EXTL3: variants seen among roughly 807,000 people sequenced by gnomAD.
EXTL3 encodes the protein exostosin-like 3.
Under a neutral mutation model 69.3 loss-of-function variants are expected in EXTL3, and 27 were observed. That is an observed-to-expected ratio of 0.39 (90% CI 0.29 to 0.54). EXTL3 has a LOEUF of 0.54. Ranked by LOEUF, EXTL3 falls within the 20% of genes least tolerant of loss-of-function variation. EXTL3 has a pLI of 0.69. For missense variants in EXTL3, 1,003 were observed against 1,231.8 expected (o/e 0.81, Z 2.78); for synonymous variants, 511 against 499.4 (o/e 1.02, Z -0.31).
chr8:28,607,916 T>C (rs535806478), intron 2 of EXTL3, among the ~76,000 whole-genome samples: 1 of 151,334 alleles, frequency 6.6e-6, no homozygotes, highest in East Asian at 1.9e-4. Flanking sequence ...ATCGAGACCA[T>C]CCTGGCTAAC....
intron 1 of EXTL3, among the ~76,000 whole-genome samples, chr8:28,658,652 C>T (rs1382932276): frequency 1.3e-5 from 2 of 152,150 alleles, no homozygotes; most frequent in Non-Finnish European, 2.9e-5. Context: ...ACAATCTCAG[C>T]TCACTGCAAC....
chr8:28,627,482 C>T (rs1806510404), intron 1 of EXTL3, among the ~76,000 whole-genome samples: 3 of 140,186 alleles, frequency 2.1e-5, no homozygotes. Context: ...GGGTGAGACC[C>T]TGTCTCAAAA....
rs1403396265 is a variant in EXTL3 at position 28,716,780 on chromosome 8, C to A, written c.721C>A (p.Leu241Ile). Reference protein sequence around the residue: ...NADIACLYVILVGEMQEPVVL... With the variant: ...NADIACLYVIIVGEMQEPVVL... ...AGACATCGCCTGCCTTTACGTGATA[C>A]TAGTGGGAGAGATGCAGGAGCCGGT... The change falls in exon 3 of 7, where the codon CTA becomes ATA. Residue 241 changes from leucine (L) to isoleucine (I), a missense_variant. Physicochemically the swap from Leu to Ile is conservative, Grantham distance 5 (BLOSUM62 2). Around this residue, in one of 2 missense-constraint regions of EXTL3, gnomAD observed 742 missense variants for 815.4 expected, o/e 0.91. Transcript: ENST00000220562. The surrounding 1 kb of genome is among the most constrained non-coding windows in gnomAD (Gnocchi z 7.1). The A allele has an allele frequency of 6.2e-7, 1 of 1,614,230 alleles. No homozygotes were observed. Among genetic ancestry groups the A allele is most frequent in the Admixed American group, 1.7e-5 (1 of 60,028 alleles).
intron 6 of EXTL3, among the ~76,000 whole-genome samples, chr8:28,749,647 ATTCATTCAT>A (rs1341140293): frequency 6.6e-6 from 1 of 151,980 alleles, no homozygotes; most frequent in African/African-American, 2.4e-5. Context: ...TCATTCATTC[ATTCATTCAT>A]TCATTCATTA....
At chr8:28,743,608 C>T (rs1307384519) in intron 6 of EXTL3, among the ~76,000 whole-genome samples, 1 of 152,158 alleles carries the variant, frequency 6.6e-6, no homozygotes, top group Non-Finnish European at 1.5e-5. Context: ...GCAATATCTG[C>T]AAAAAGTATT....
At chr8:28,632,650 T>C (rs990962450) in intron 1 of EXTL3, among the ~76,000 whole-genome samples, 7 of 149,990 alleles carry the variant, frequency 4.7e-5, no homozygotes, top group Admixed American at 2.0e-4. Context: ...GTCTCCTGGG[T>C]TGAAGCGATT....
intron 1 of EXTL3, among the ~76,000 whole-genome samples, chr8:28,687,543 A>G (rs1325115867): frequency 6.6e-6 from 1 of 152,244 alleles, no homozygotes; most frequent in Admixed American, 6.5e-5. Context: ...TTTAGTTAAT[A>G]GTCTCTATAA....
At chr8:28,682,949 T>A (rs1186940947) in intron 1 of EXTL3, among the ~76,000 whole-genome samples, 1 of 152,240 alleles carries the variant, frequency 6.6e-6, no homozygotes, top group Non-Finnish European at 1.5e-5. Context: ...TTGTGTGAGA[T>A]AAAGGTCTAA....
intron 6 of EXTL3, among the ~76,000 whole-genome samples, chr8:28,745,156 CTG>C (rs1801862734): frequency 6.6e-6 from 1 of 151,674 alleles, no homozygotes. Flanking sequence ...ATGGGCGTGT[CTG>C]TGAATAGCCA....
chr8:28,670,123 C>T (rs1444678039), intron 1 of EXTL3, among the ~76,000 whole-genome samples: 1 of 140,782 alleles, frequency 7.1e-6, no homozygotes, highest in Non-Finnish European at 1.5e-5. Flanking sequence ...GCAGAAGGAT[C>T]GCTTGAGCCA....
chr8:28,680,493 G>T (rs940867379), intron 1 of EXTL3, among the ~76,000 whole-genome samples: 7 of 151,888 alleles, frequency 4.6e-5, no homozygotes, highest in Admixed American at 3.9e-4. Flanking sequence ...TACAGGGTAT[G>T]ACATGATGTT....
chr8:28,669,888 G>A (rs1807257621), intron 1 of EXTL3, among the ~76,000 whole-genome samples: 1 of 152,034 alleles, frequency 6.6e-6, no homozygotes, highest in Admixed American at 6.6e-5. Context: ...CACCTGTACT[G>A]AGATGCCAGG....
chr8:28,642,242 G>A (rs545983298), intron 1 of EXTL3, among the ~76,000 whole-genome samples: 1 of 151,974 alleles, frequency 6.6e-6, no homozygotes, highest in Non-Finnish European at 1.5e-5. Flanking sequence ...CCAGGAGTTC[G>A]AGACCAGCCT....
rs574309274 is a variant in EXTL3, at chr8:28,681,983, C to T, written c.-52-31474C>T. The stretch of plus-strand genomic sequence containing the variant: ...CTGAGGCAGGAGAATCGCTTGAACC[C>T]GGGAGGTGGAGGTTGCGGTGAGCTG... On this transcript the variant is annotated intron_variant, in intron 1 of 6. Transcript: ENST00000523149. Among the ~76,000 whole-genome samples, 27 of 152,274 alleles carry T rather than the reference C, an allele frequency of 1.8e-4. No homozygotes were observed. The South Asian group carries it at 3.5e-3, about 20-fold the overall frequency.
intron 1 of EXTL3, among the ~76,000 whole-genome samples, chr8:28,694,905 G>A (rs1282065881): frequency 2.6e-5 from 4 of 151,960 alleles, no homozygotes; most frequent in East Asian, 3.9e-4. Flanking sequence ...CCAGCTACTC[G>A]GGAGGCTGAA....
intron 1 of EXTL3, among the ~76,000 whole-genome samples, chr8:28,706,447 T>TTTCTTAAA (rs1800924493): frequency 6.6e-6 from 1 of 152,226 alleles, no homozygotes; most frequent in Non-Finnish European, 1.5e-5. Flanking sequence ...TTCTCACTCA[T>TTTCTTAAA]GATTCTTTAA....
chr8:28,651,695 G>A (rs962441471), intron 1 of EXTL3, among the ~76,000 whole-genome samples: 2 of 152,156 alleles, frequency 1.3e-5, no homozygotes, highest in African/African-American at 2.4e-5. Context: ...AAAATGTGTT[G>A]AAATACATAT....
At chr8:28,710,810 T>G (rs562503604) in intron 1 of EXTL3, among the ~76,000 whole-genome samples, 114 of 152,102 alleles carry the variant, frequency 7.5e-4, no homozygotes, top group African/African-American at 2.7e-3. Flanking sequence ...GTGGTGTGAT[T>G]ACAGGCATGA....
At chr8:28,650,142 G>A (rs923610666) in intron 1 of EXTL3, among the ~76,000 whole-genome samples, 2 of 148,496 alleles carry the variant, frequency 1.3e-5, no homozygotes, top group East Asian at 2.0e-4. Context: ...GTTTCAGTGA[G>A]CCGAGATTGC....
Sources: allele counts gnomAD v4.1 joint callset (sites outside exome capture counted in the v4.1 genomes callset), GRCh38; gene constraint gnomAD v4.1.1; regional missense constraint gnomAD v4.1.1; non-coding constraint Gnocchi (gnomAD v3.1); transcripts MANE v1.5; gene names NCBI Gene and HGNC (gene_info 2026-07-23, HGNC 2026-07-21).